The following GRIK5 variants were observed in gnomAD, a reference collection of about 807,000 sequenced individuals.
GRIK5 encodes glutamate receptor ionotropic, kainate 5.
Under a neutral mutation model 97.4 loss-of-function variants are expected in GRIK5, and 43 were observed. The ratio of observed to expected loss-of-function variants is 0.44; its 90% CI spans 0.35 to 0.57. GRIK5 has a LOEUF of 0.57. Ranked by LOEUF, GRIK5 falls within the 20% of genes least tolerant of loss-of-function variation. The pLI is 0.01. For synonymous variants in GRIK5, 580 were observed against 583.5 expected (o/e 0.99, Z 0.09); for missense variants, 1,015 against 1,382.0 (o/e 0.73, Z 4.21).
At chr19:42,001,968 G>A (rs1485477380) in intron 19 of GRIK5, 3 of 606,850 alleles carry the variant, frequency 4.9e-6, no homozygotes, top group East Asian at 2.7e-5. Context: ...CAGAGCCTGG[G>A]GAGAAAGAGA....
intron 8 of GRIK5, 35 bp from the exon 9 acceptor site, chr19:42,054,507 A>C: frequency 1.2e-6 from 2 of 1,602,828 alleles, no homozygotes; most frequent in South Asian, 2.2e-5. Flanking sequence ...GGGATGGATA[A>C]GAGGCTGCCT....
At position 41,999,036 on chromosome 19, in the gene GRIK5, G is replaced by C. The variant is rs2075403181; in HGVS notation, c.2778C>G (p.Pro926=). The change falls in exon 20 of 20, where the codon CCC becomes CCG. Residue 926 remains proline (P), a synonymous_variant. Coordinates refer to ENST00000593562, the MANE Select transcript of GRIK5 (RefSeq NM_002088.5). The surrounding 1 kb of genome is among the most constrained non-coding windows in gnomAD (Gnocchi z 5.0). The part of the protein sequence containing the change: ...PSGARPAAPT[P]CTHVRVCQEC... ...CCTGGCAGACGCGCACGTGGGTGCA[G>C]GGGGTGGGGGCGGCGGGTCGGGCTC... The C allele has an allele frequency of 8.1e-7, 1 of 1,234,578 alleles. No individual in the cohort carries two copies. Among genetic ancestry groups the C allele is most frequent in the African/African-American group, 1.6e-5 (1 of 62,676 alleles). The allele number at this position is 1,234,578 out of a possible 1,614,324, so 76.5% of individuals were successfully genotyped here.
rs781968832 is a variant in GRIK5 at position 41,999,270 on chromosome 19, C to T, written c.2544G>A (p.Glu848=). The change falls in exon 20 of 20, where the codon GAG becomes GAA. Residue 848 remains glutamate, a synonymous_variant. Coordinates refer to ENST00000593562, the MANE Select transcript of GRIK5 (RefSeq NM_002088.5). This position sits in a 1 kb window ranked among gnomAD's most constrained non-coding sequence, Gnocchi z 5.0. ...TGCGGCAAGAAACGGCGTGGCGCAG[C>T]TCCTGCAGCATCTCCTGGCACACCG... ...EVSVCQEMLQ[E]LRHAVSCRKT... is the part of the protein sequence containing the mutation. The T allele has an allele frequency of 1.5e-5, 23 of 1,525,692 alleles. No individual in the cohort carries two copies. In the African/African-American group the frequency reaches 2.1e-4, roughly 14 times the overall value. 94.5% of individuals were successfully genotyped at this position (1,525,692 alleles called of 1,614,324 possible).
At position 42,003,119 on chromosome 19, in the gene GRIK5, A is replaced by G. The variant is rs2146010021; in HGVS notation, c.2514+213T>C. On this transcript the variant is annotated intron_variant, in intron 19 of 19. Coordinates refer to ENST00000593562, the MANE Select transcript of GRIK5 (RefSeq NM_002088.5). This position sits in a 1 kb window ranked among gnomAD's most constrained non-coding sequence, Gnocchi z 4.2. ...CCTCACCTCCTCTCCCTGCATCCTC[A>G]TTGCTCCCTGTGCCTACTTTCCCTC... Among the ~76,000 whole-genome samples, 1 of 151,192 alleles carries G rather than the reference A, an allele frequency of 6.6e-6. No individual in the cohort carries two copies. The highest frequency in any genetic ancestry group is 6.6e-5 in the Admixed American group (1 of 15,194).
At chr19:42,045,769 GTGA>G in intron 11 of GRIK5, among the ~76,000 whole-genome samples, 1 of 152,310 alleles carries the variant, frequency 6.6e-6, no homozygotes. Flanking sequence ...GGCTTGCTGT[GTGA>G]CAGCAATTCC....
At chr19:42,001,930 G>A in intron 19 of GRIK5, 1 of 598,364 alleles carries the variant, frequency 1.7e-6, no homozygotes, top group Non-Finnish European at 3.0e-6. Flanking sequence ...AGCAGTCTAA[G>A]GACTGAGCCC....
rs913076023 is a variant in GRIK5, at chr19:42,002,168, C to T, written c.2514+1164G>A. ...GTGGCTTCAGTGGAGTGGCAGGGAC[C>T]GATGCCAGACTGGAGTGGGGGGCAA... is the stretch of plus-strand genomic sequence containing the variant. On this transcript the variant is annotated intron_variant, in intron 19 of 19. Coordinates refer to ENST00000593562, the MANE Select transcript of GRIK5 (RefSeq NM_002088.5). The surrounding 1 kb of genome is among the most constrained non-coding windows in gnomAD (Gnocchi z 5.2). The T allele has an allele frequency of 7.9e-5, 57 of 717,214 alleles. No homozygotes were observed. Among genetic ancestry groups the T allele is most frequent in the Non-Finnish European group, 1.4e-4 (54 of 385,114 alleles). 44.4% of individuals were successfully genotyped at this position (717,214 alleles called of 1,614,324 possible). A position where few individuals can be genotyped will look rare whatever the true frequency, so the allele number is the denominator to read the frequency against.
chr19:42,009,112 C>A (rs2146023064), intron 15 of GRIK5, among the ~76,000 whole-genome samples: 1 of 152,208 alleles, frequency 6.6e-6, no homozygotes, highest in Admixed American at 6.5e-5. Context: ...CCTACAGTCC[C>A]AGCAACTTGA....
chr19:42,022,164 G>A lies in GRIK5; in HGVS notation c.1587+77C>T, dbSNP rs2075707420. On this transcript the variant is annotated intron_variant, in intron 13 of 19. Coordinates refer to ENST00000593562, the MANE Select transcript of GRIK5 (RefSeq NM_002088.5). This position sits in a 1 kb window ranked among gnomAD's most constrained non-coding sequence, Gnocchi z 4.2. ...CCTGACCGGCCCATCTGAGGTCCTGGGGCTGTCTGGCTCCCACTCGCAGGC... is the reference window on the plus strand; with the variant it reads ...CCTGACCGGCCCATCTGAGGTCCTGAGGCTGTCTGGCTCCCACTCGCAGGC... 3.5e-6 allele frequency: 5 copies of A among 1,418,822 alleles called. 1 individual carries two copies. The Admixed American group carries it at 5.3e-5, about 15-fold the overall frequency. 87.9% of individuals were successfully genotyped at this position (1,418,822 alleles called of 1,614,324 possible). A position where few individuals can be genotyped will look rare whatever the true frequency, so the allele number is the denominator to read the frequency against.
In GRIK5 at chr19:42,011,712, G is replaced by A. The variant is rs563137761; in HGVS notation, c.1872-4902C>T. 6.6e-5 allele frequency among the ~76,000 whole-genome samples: 10 copies of A among 151,964 alleles called. No individual in the cohort carries two copies. The South Asian group carries it at 2.1e-3, about 32-fold the overall frequency. Reference sequence around the variant, plus strand: ...CAACAGGCCAGGCACAGTGGCTCACGCTGTAATTCCATCACTTTGGGAGGC... The same window carrying A: ...CAACAGGCCAGGCACAGTGGCTCACACTGTAATTCCATCACTTTGGGAGGC... On this transcript the variant is annotated intron_variant, in intron 15 of 19. Coordinates refer to ENST00000593562, the MANE Select transcript of GRIK5 (RefSeq NM_002088.5).
In GRIK5 at chr19:42,003,314, C is replaced by T; in HGVS notation, c.2514+18G>A. ...GGGGGTCCCTGTTCCTGCCCACCCC[C>T]ACCCCCAGCCTCCTCACCTCCTCGG... On this transcript the variant is annotated intron_variant, in intron 19 of 19. Transcript: ENST00000593562. The surrounding 1 kb of genome is among the most constrained non-coding windows in gnomAD (Gnocchi z 4.2). The T allele has an allele frequency of 6.3e-7, 1 of 1,587,704 alleles. No individual in the cohort carries two copies. Among genetic ancestry groups the T allele is most frequent in the Non-Finnish European group, 8.6e-7 (1 of 1,158,692 alleles).
intron 1 of GRIK5, chr19:42,068,856 G>A: frequency 1.5e-6 from 1 of 683,960 alleles, no homozygotes; most frequent in African/African-American, 1.8e-5. Context: ...CAGGGCCAAG[G>A]CCCACCGCAG....
rs920114212 is a variant in GRIK5, at chr19:42,022,969, A to G, written c.1474-615T>C. On this transcript the variant is annotated intron_variant, in intron 12 of 19. Coordinates refer to ENST00000593562, the MANE Select transcript of GRIK5 (RefSeq NM_002088.5). This position sits in a 1 kb window ranked among gnomAD's most constrained non-coding sequence, Gnocchi z 4.2. Reference sequence around the variant, plus strand: ...TGAAGGAGGGATGGCCCAGGCCCAAAACTTCAGCTGGAATCAGAAATAGAT... The same window carrying G: ...TGAAGGAGGGATGGCCCAGGCCCAAGACTTCAGCTGGAATCAGAAATAGAT... Among the ~76,000 whole-genome samples the G allele has an allele frequency of 6.6e-6, 1 of 152,132 alleles. No homozygotes were observed.
At chr19:42,037,874 C>T (rs561044725) in intron 12 of GRIK5, among the ~76,000 whole-genome samples, 1 of 152,340 alleles carries the variant, frequency 6.6e-6, no homozygotes, top group Admixed American at 6.5e-5. Context: ...CCAGAGCTGC[C>T]TGTGGGACAG....
intron 12 of GRIK5, among the ~76,000 whole-genome samples, chr19:42,029,102 T>C (rs1453683367): frequency 6.6e-6 from 1 of 152,034 alleles, no homozygotes; most frequent in African/African-American, 2.4e-5. Flanking sequence ...AGAGTCTTGC[T>C]CTGTAGCTGG....
intron 12 of GRIK5, among the ~76,000 whole-genome samples, chr19:42,034,235 C>A (rs949278785): frequency 2.6e-5 from 4 of 152,078 alleles, no homozygotes; most frequent in African/African-American, 9.7e-5. Context: ...ATGGAGCGTG[C>A]CTGTAATCCC....
At position 42,065,188 on chromosome 19, in the gene GRIK5, C is replaced by A. The variant is rs533047739; in HGVS notation, c.244+35G>T. On this transcript the variant is annotated intron_variant, in intron 3 of 19. Transcript: ENST00000593562. This position sits in a 1 kb window ranked among gnomAD's most constrained non-coding sequence, Gnocchi z 5.8. ...GATGGACTGAGGGCCACCGACCTGC[C>A]CTGCCTCACCCCACGCCCCCATGGC... 2 of 1,581,274 alleles carry A rather than the reference C, an allele frequency of 1.3e-6. No individual in the cohort carries two copies. The highest frequency in any genetic ancestry group is 4.5e-5 in the East Asian group (2 of 44,376).
In GRIK5 at chr19:42,022,036, G is replaced by A. The variant is rs1203493444; in HGVS notation, c.1608C>T (p.Phe536=). ...CAGGGGAGAAGGGGTCCAGGAAGGAGAAGTAGCCAGGCTTGCGGCCCTGTG... is the reference window on the plus strand; with the variant it reads ...CAGGGGAGAAGGGGTCCAGGAAGGAAAAGTAGCCAGGCTTGCGGCCCTGTG... ...RVHMGRKPGY[F]SFLDPFSPAV... is the part of the protein sequence containing the mutation. The change falls in exon 14 of 20, where the codon TTC becomes TTT. Residue 536 remains phenylalanine (F), a synonymous_variant. Coordinates refer to ENST00000593562, the MANE Select transcript of GRIK5 (RefSeq NM_002088.5). The surrounding 1 kb of genome is among the most constrained non-coding windows in gnomAD (Gnocchi z 4.2). 6.2e-7 allele frequency: 1 copy of A among 1,613,236 alleles called. No individual in the cohort carries two copies. The highest frequency in any genetic ancestry group is 1.7e-5 in the Admixed American group (1 of 59,936).
chr19:42,008,897 G>A (rs1313978491), intron 15 of GRIK5, among the ~76,000 whole-genome samples: 2 of 152,166 alleles, frequency 1.3e-5, no homozygotes, highest in Non-Finnish European at 2.9e-5. Flanking sequence ...TTTACTGAAA[G>A]GGATTACACA....
Sources: allele counts gnomAD v4.1 joint callset (sites outside exome capture counted in the v4.1 genomes callset), GRCh38; gene constraint gnomAD v4.1.1; non-coding constraint Gnocchi (gnomAD v3.1); transcripts MANE v1.5; gene names NCBI Gene and HGNC (gene_info 2026-07-23, HGNC 2026-07-21).